Variants in CDK14 observed in about 807,000 individuals in gnomAD.
CDK14 encodes cyclin dependent kinase 14.
In CDK14, 34 loss-of-function variants were observed where a neutral mutation model predicts 60.7. That is an observed-to-expected ratio of 0.56 (90% CI 0.43 to 0.75). CDK14 has a LOEUF of 0.75. Ranked by LOEUF, CDK14 falls within the 30% of genes least tolerant of loss-of-function variation. The pLI, the probability that CDK14 is intolerant of heterozygous loss-of-function variation, is 0.00. For synonymous variants in CDK14, 197 were observed against 203.7 expected, an observed-to-expected ratio of 0.97 and a Z score of 0.28; for missense variants, 482 against 564.1, an observed-to-expected ratio of 0.85 and a Z score of 1.47.
At chr7:91,203,906 A>G (rs895317697) in intron 14 of CDK14, among the ~76,000 whole-genome samples, 3 of 152,212 alleles carry the variant, frequency 2.0e-5, no homozygotes, top group African/African-American at 4.8e-5. Flanking sequence ...GCATAGTTAC[A>G]TGGAGCAGCA....
At chr7:90,753,176 A>G (rs901530862) in intron 4 of CDK14, among the ~76,000 whole-genome samples, 1 of 152,104 alleles carries the variant, frequency 6.6e-6, no homozygotes, top group Non-Finnish European at 1.5e-5. Context: ...ATGAACAACT[A>G]GGAAAGAAAC....
intron 6 of CDK14, among the ~76,000 whole-genome samples, chr7:90,876,442 T>C (rs1791565605): frequency 6.6e-6 from 1 of 152,216 alleles, no homozygotes; most frequent in Admixed American, 6.5e-5. Context: ...CTAAGTTAAA[T>C]AGCTACTAAA....
At chr7:90,714,563 A>C (rs763068637) in intron 2 of CDK14, among the ~76,000 whole-genome samples, 1 of 152,126 alleles carries the variant, frequency 6.6e-6, no homozygotes. Context: ...TTAAAGCAAC[A>C]TTGAAAGATA....
intron 5 of CDK14, among the ~76,000 whole-genome samples, chr7:90,847,252 C>T (rs1790499161): frequency 6.6e-6 from 1 of 152,148 alleles, no homozygotes; most frequent in Non-Finnish European, 1.5e-5. Flanking sequence ...CTTTCCATAT[C>T]TTCCGAGGTT....
chr7:91,157,150 T>C (rs939753458), intron 14 of CDK14, among the ~76,000 whole-genome samples: 3 of 148,814 alleles, frequency 2.0e-5, no homozygotes, highest in Non-Finnish European at 4.4e-5. Context: ...ATTTTCTCTT[T>C]CTCTATGAGA....
intron 6 of CDK14, among the ~76,000 whole-genome samples, chr7:90,889,581 T>C (rs542248376): frequency 6.6e-6 from 1 of 152,346 alleles, no homozygotes; most frequent in East Asian, 1.9e-4. Flanking sequence ...AAATGGCTAA[T>C]TTAATTAGGC....
At chr7:90,969,968 CT>C (rs11317741) in intron 9 of CDK14, among the ~76,000 whole-genome samples, 79,198 of 122,186 alleles carry the variant, frequency 0.65, 23,925 homozygotes, top group East Asian at 0.71. Context: ...AATTTTTAAG[CT>C]TTTTTTTTTT....
At chr7:90,634,453 G>A (rs1800083004) in intron 2 of CDK14, among the ~76,000 whole-genome samples, 3 of 151,612 alleles carry the variant, frequency 2.0e-5, no homozygotes, top group Admixed American at 2.0e-4. Flanking sequence ...CCCTACAAAG[G>A]ACATGAACTC....
chr7:90,600,477 T>C (rs1449686719), intron 1 of CDK14, among the ~76,000 whole-genome samples: 2 of 152,358 alleles, frequency 1.3e-5, no homozygotes, highest in Non-Finnish European at 2.9e-5. Flanking sequence ...AAGTTTATAC[T>C]CTGCGATATT....
At chr7:90,930,529 C>CTTTTTTTTTTTTTTT in intron 8 of CDK14, among the ~76,000 whole-genome samples, 1 of 81,386 alleles carries the variant, frequency 1.2e-5, no homozygotes, top group Non-Finnish European at 2.2e-5. Context: ...ACAGGCTAAG[C>CTTTTTTTTTTTTTTT]TTTTTTTTTT....
chr7:90,878,099 A>T (rs1294730780), intron 6 of CDK14, among the ~76,000 whole-genome samples: 4 of 142,366 alleles, frequency 2.8e-5, no homozygotes, highest in Non-Finnish European at 6.4e-5. Flanking sequence ...TGTGTGAGAG[A>T]GAGAGAGAGA....
chr7:90,711,311 G>C (rs1274456649), intron 2 of CDK14, among the ~76,000 whole-genome samples: 1 of 151,842 alleles, frequency 6.6e-6, no homozygotes, highest in African/African-American at 2.4e-5. Flanking sequence ...TTGATTGTTG[G>C]GAGTGAATAT....
chr7:90,870,390 A>G (rs1405533214), intron 6 of CDK14, among the ~76,000 whole-genome samples: 1 of 152,140 alleles, frequency 6.6e-6, no homozygotes, highest in Non-Finnish European at 1.5e-5. Flanking sequence ...TAACTAATGG[A>G]TACTAGGCTT....
At chr7:91,089,631 A>G (rs1798745885) in intron 12 of CDK14, among the ~76,000 whole-genome samples, 2 of 151,496 alleles carry the variant, frequency 1.3e-5, no homozygotes, top group Admixed American at 6.6e-5. Context: ...GCAGCTATAT[A>G]TATATTTTCC....
rs542071018 is a variant in CDK14, at chr7:90,681,834, T to C, written c.124-44733T>C. Among the ~76,000 whole-genome samples, 33 of 152,306 alleles carry C rather than the reference T, an allele frequency of 2.2e-4. 1 individual carries two copies. Among genetic ancestry groups the C allele is most frequent in the African/African-American group, 7.5e-4 (31 of 41,572 alleles). ...TAGATGATGCTTTGGTTATGGTTAA[T>C]GTGGAAAAAATAGCTCAATTCCTGG... is the stretch of plus-strand genomic sequence containing the variant. On this transcript the variant is annotated intron_variant, in intron 2 of 14. Coordinates refer to ENST00000380050, the MANE Select transcript of CDK14 (RefSeq NM_001287135.2).
intron 12 of CDK14, chr7:91,107,817 A>G (rs1799349611): frequency 6.6e-6 from 1 of 152,338 alleles, no homozygotes; most frequent in African/African-American, 2.4e-5. Flanking sequence ...ACCTGATGCA[A>G]TTGCTTTGGA....
At chr7:90,995,787 T>TCTTAGAATGA (rs11281300) in intron 10 of CDK14, among the ~76,000 whole-genome samples, 151,114 of 152,150 alleles carry the variant, frequency 0.99, 75,049 homozygotes, top group East Asian at 1. Flanking sequence ...CAGGAGTATG[T>TCTTAGAATGA]CTTAGAGTTA....
intron 2 of CDK14, among the ~76,000 whole-genome samples, chr7:90,707,731 C>T (rs1554437997): frequency 2.6e-5 from 4 of 152,166 alleles, no homozygotes; most frequent in Non-Finnish European, 5.9e-5. Flanking sequence ...TGCTATTCCC[C>T]AAATGTCCTT....
intron 14 of CDK14, among the ~76,000 whole-genome samples, chr7:91,197,124 G>T (rs1045676403): frequency 6.6e-6 from 1 of 152,094 alleles, no homozygotes; most frequent in East Asian, 1.9e-4. Context: ...CCTAGGCCGG[G>T]AGTGGTGGCT....
Sources: allele counts gnomAD v4.1 joint callset (sites outside exome capture counted in the v4.1 genomes callset), GRCh38; gene constraint gnomAD v4.1.1; transcripts MANE v1.5; gene names NCBI Gene and HGNC (gene_info 2026-07-23, HGNC 2026-07-21).